ABI3BP: variants seen among roughly 807,000 people sequenced by gnomAD.
ABI3BP encodes ABI family member 3 binding protein.
In ABI3BP, 216 loss-of-function variants were observed where a neutral mutation model predicts 268.6. That is an observed-to-expected ratio of 0.80 (90% CI 0.72 to 0.90). The LOEUF (loss-of-function observed/expected upper bound fraction) is 0.90. Among genes scored for constraint, ABI3BP ranks in the 40% least tolerant of loss-of-function variants. The pLI is 0.00. For synonymous variants in ABI3BP, 730 were observed against 730.0 expected, an observed-to-expected ratio of 1.00 and a Z score of 0.00; for missense variants, 2,090 against 2,182.4, an observed-to-expected ratio of 0.96 and a Z score of 0.84.
At chr3:100,915,945 A>C (rs2058476168) in intron 2 of ABI3BP, among the ~76,000 whole-genome samples, 1 of 152,170 alleles carries the variant, frequency 6.6e-6, no homozygotes, top group Admixed American at 6.5e-5. Flanking sequence ...AATGTTTAAA[A>C]ACTATTTATC....
intron 51 of ABI3BP, among the ~76,000 whole-genome samples, chr3:100,802,653 T>C (rs10511186): frequency 0.14 from 21,032 of 152,140 alleles, 1,888 homozygotes; most frequent in South Asian, 0.27. Context: ...GTACAATGAA[T>C]CTGAGACTGA....
At chr3:100,854,470 T>C (rs1223282327) in intron 14 of ABI3BP, among the ~76,000 whole-genome samples, 1 of 152,206 alleles carries the variant, frequency 6.6e-6, no homozygotes, top group African/African-American at 2.4e-5. Flanking sequence ...CCCTTCTATA[T>C]ACATGCCTAT....
At chr3:100,868,322 T>C (rs980293827) in intron 9 of ABI3BP, among the ~76,000 whole-genome samples, 1 of 152,244 alleles carries the variant, frequency 6.6e-6, no homozygotes, top group Non-Finnish European at 1.5e-5. Context: ...CACACACTTT[T>C]GGAATATTTT....
At chr3:100,800,027 A>G (rs1057267671) in intron 51 of ABI3BP, among the ~76,000 whole-genome samples, 5 of 152,114 alleles carry the variant, frequency 3.3e-5, no homozygotes, top group African/African-American at 1.2e-4. Context: ...TGGCCAGTCT[A>G]GCAATAGCAT....
chr3:100,827,669 ATCT>A (rs1033746799), intron 34 of ABI3BP, among the ~76,000 whole-genome samples: 1 of 152,248 alleles, frequency 6.6e-6, no homozygotes, highest in South Asian at 2.1e-4. Flanking sequence ...ACTATACTTT[ATCT>A]TCTTCTGTTA....
intron 28 of ABI3BP, 48 bp downstream of exon 28, chr3:100,835,553 G>A: frequency 7.1e-7 from 1 of 1,399,258 alleles, no homozygotes; most frequent in Non-Finnish European, 9.7e-7. Flanking sequence ...GAATAGACTA[G>A]ACAATGAGCA....
chr3:100,765,280 G>A (rs528565722), intron 63 of ABI3BP, among the ~76,000 whole-genome samples: 1 of 152,080 alleles, frequency 6.6e-6, no homozygotes, highest in South Asian at 2.1e-4. Flanking sequence ...TAATAAACAG[G>A]GATACTTAGA....
intron 58 of ABI3BP, among the ~76,000 whole-genome samples, chr3:100,779,888 A>G (rs1446487442): frequency 6.6e-6 from 1 of 152,218 alleles, no homozygotes; most frequent in African/African-American, 2.4e-5. Flanking sequence ...TATAGCAAGT[A>G]ATGATTAAGT....
chr3:100,792,824 C>T (rs1212599969), intron 54 of ABI3BP, 56 bp from the exon 55 acceptor site: 2 of 1,420,426 alleles, frequency 1.4e-6, no homozygotes, highest in Non-Finnish European at 2.0e-6. Flanking sequence ...ATGAATATGA[C>T]CAAAAAAACC....
intron 63 of ABI3BP, among the ~76,000 whole-genome samples, chr3:100,761,518 T>G (rs756749662): frequency 6.6e-6 from 1 of 152,120 alleles, no homozygotes; most frequent in Non-Finnish European, 1.5e-5. Flanking sequence ...GGAGCTAAAC[T>G]CTACCATTAG....
intron 63 of ABI3BP, among the ~76,000 whole-genome samples, chr3:100,765,207 A>G (rs2096218904): frequency 6.6e-6 from 1 of 152,166 alleles, no homozygotes; most frequent in Non-Finnish European, 1.5e-5. Flanking sequence ...AATGTTGGAT[A>G]TTTTAGATTG....
At chr3:100,923,049 A>C (rs1403213044) in intron 2 of ABI3BP, among the ~76,000 whole-genome samples, 1 of 152,204 alleles carries the variant, frequency 6.6e-6, no homozygotes, top group African/African-American at 2.4e-5. Context: ...TGTACGAGGA[A>C]TGTTTTTTCA....
rs984849473 is a variant in ABI3BP, at chr3:100,866,910, C to G, written c.957G>C (p.Glu319Asp). The change falls in exon 10 of 68, where the codon GAG becomes GAC. Residue 319 changes from glutamate to aspartate, a missense_variant. By Grantham distance (45) the Glu-to-Asp change is conservative. Transcript: ENST00000471714. ...TGGGTCGTGCTGAGATTTTTTCAAC[C>G]TCTGGTGTTTTAGATTCGGCAGGTA... is the stretch of plus-strand genomic sequence containing the variant. ...LALPAESKTP[E>D]VEKISARPTT... 3.1e-6 allele frequency: 5 copies of G among 1,613,644 alleles called. No homozygotes were observed. Among genetic ancestry groups the G allele is most frequent in the Non-Finnish European group, 3.4e-6 (4 of 1,179,808 alleles).
rs2097833774 is a variant in ABI3BP at position 100,810,441 on chromosome 3, G to T, written c.3578C>A (p.Pro1193His). Residue 1193 changes from proline to histidine, a missense_variant, in exon 49 of 68, where the codon CCC becomes CAC. Pro to His is a moderately conservative substitution (Grantham distance 77, BLOSUM62 -2). Coordinates refer to ENST00000471714, the MANE Select transcript of ABI3BP (RefSeq NM_001375547.2). ...TTCAGTCTGAGGCTCATCTGGGCTGGGTAGGGTTATAGATTGAGAAGGCAG... is the reference window on the plus strand; with the variant it reads ...TTCAGTCTGAGGCTCATCTGGGCTGTGTAGGGTTATAGATTGAGAAGGCAG... Reference protein sequence around the residue: ...SPLPSQSITLPSPDEPQTEPA... With the variant: ...SPLPSQSITLHSPDEPQTEPA... 2.0e-6 allele frequency: 3 copies of T among 1,534,936 alleles called. No homozygotes were observed. The highest frequency in any genetic ancestry group is 2.6e-6 in the Non-Finnish European group (3 of 1,146,098).
intron 63 of ABI3BP, among the ~76,000 whole-genome samples, 174 bp downstream of exon 63, chr3:100,765,667 G>A (rs2096241103): frequency 6.6e-6 from 1 of 152,080 alleles, no homozygotes; most frequent in Admixed American, 6.5e-5. Context: ...AGTAATTCAA[G>A]TATTTGCAAA....
Position 100,765,864 on chromosome 3 carries a change from T to C in ABI3BP, c.4827A>G (p.Val1609=). 6.2e-7 allele frequency: 1 copy of C among 1,611,074 alleles called. No individual in the cohort carries two copies. Among genetic ancestry groups the C allele is most frequent in the South Asian group, 1.1e-5 (1 of 90,266 alleles). The part of the protein sequence containing the change: ...IQMTNQTFST[V]ENLKPNTSYE... ...ACCTCGTGTTTGGTTTCAGATTTTC[T>C]ACTGTGGAAAATGTCTGATTTGTCA... Residue 1609 remains valine, a synonymous_variant, in exon 63 of 68, where the codon GTA becomes GTG. Coordinates refer to ENST00000471714, the MANE Select transcript of ABI3BP (RefSeq NM_001375547.2).
intron 1 of ABI3BP, among the ~76,000 whole-genome samples, chr3:100,962,317 T>C (rs995323345): frequency 5.3e-5 from 8 of 152,220 alleles, no homozygotes; most frequent in Non-Finnish European, 8.8e-5. Flanking sequence ...TGTCTGTCCC[T>C]TTATCTAATT....
intron 4 of ABI3BP, among the ~76,000 whole-genome samples, chr3:100,896,105 G>C (rs1260541075): frequency 6.6e-6 from 1 of 152,132 alleles, no homozygotes; most frequent in East Asian, 1.9e-4. Context: ...TATCTTGCTT[G>C]TCATTATTGT....
At chr3:100,907,128 C>A (rs1449847229) in intron 2 of ABI3BP, among the ~76,000 whole-genome samples, 1 of 152,204 alleles carries the variant, frequency 6.6e-6, no homozygotes, top group Non-Finnish European at 1.5e-5. Flanking sequence ...AGTACTTAAC[C>A]TCTGTGTACC....
Sources: allele counts gnomAD v4.1 joint callset (sites outside exome capture counted in the v4.1 genomes callset), GRCh38; gene constraint gnomAD v4.1.1; transcripts MANE v1.5; gene names NCBI Gene and HGNC (gene_info 2026-07-23, HGNC 2026-07-21).